Variants in SAXO1 observed in about 807,000 individuals in gnomAD.
SAXO1 encodes the protein 4930500O09Rik.
SAXO1 carries 21 observed loss-of-function variants against 17.5 expected under a neutral mutation model. That is an observed-to-expected ratio of 1.20 (90% confidence interval 0.85 to 1.72). The LOEUF (loss-of-function observed/expected upper bound fraction) is 1.72, where lower values mean the gene tolerates loss of function less well. SAXO1 is among the 40% of genes most tolerant of loss of function. The pLI, the probability that SAXO1 is intolerant of heterozygous loss-of-function variation, is 0.00. For missense variants in SAXO1, 843 were observed against 596.0 expected (o/e 1.41, Z -4.32); for synonymous variants, 274 against 216.5 (o/e 1.27, Z -2.33).
chr9:18,995,618 G>C (rs548579019), intron 1 of SAXO1, among the ~76,000 whole-genome samples: 7 of 152,088 alleles, frequency 4.6e-5, no homozygotes, highest in African/African-American at 1.7e-4. Flanking sequence ...CACTTCCAGG[G>C]ACAAAGTCCC....
intron 1 of SAXO1, among the ~76,000 whole-genome samples, chr9:18,966,946 T>G (rs1037951140): frequency 5.3e-5 from 8 of 152,234 alleles, no homozygotes; most frequent in Admixed American, 4.6e-4. Context: ...ATGCTTTTTG[T>G]TGATATTGAT....
intron 1 of SAXO1, among the ~76,000 whole-genome samples, chr9:18,975,962 C>T (rs61663532): frequency 0.025 from 3,840 of 152,252 alleles, 156 homozygotes; most frequent in African/African-American, 0.085. Flanking sequence ...TACAGCAGTA[C>T]TTTAGCACCT....
At chr9:19,022,264 G>A (rs1835271243) in intron 1 of SAXO1, among the ~76,000 whole-genome samples, 1 of 152,184 alleles carries the variant, frequency 6.6e-6, no homozygotes, top group African/African-American at 2.4e-5. Context: ...AAGAAACTCT[G>A]GACACATCTG....
chr9:18,932,920 T>G (rs78635030), intron 3 of SAXO1, among the ~76,000 whole-genome samples: 2 of 152,080 alleles, frequency 1.3e-5, no homozygotes, highest in Non-Finnish European at 2.9e-5. Flanking sequence ...TGGTAATTTT[T>G]TGGATTCCTT....
At chr9:18,964,278 G>A (rs1235332415) in intron 1 of SAXO1, among the ~76,000 whole-genome samples, 1 of 152,150 alleles carries the variant, frequency 6.6e-6, no homozygotes, top group Admixed American at 6.5e-5. Context: ...GGATGATGCT[G>A]GCCTCATAAA....
intron 1 of SAXO1, among the ~76,000 whole-genome samples, chr9:18,986,919 G>A (rs1446877526): frequency 2.0e-5 from 3 of 152,170 alleles, no homozygotes; most frequent in African/African-American, 7.2e-5. Context: ...AATGTATTGA[G>A]GAAGGGGTGC....
At chr9:19,031,756 G>C (rs1436906272) in intron 1 of SAXO1, among the ~76,000 whole-genome samples, 1 of 152,132 alleles carries the variant, frequency 6.6e-6, no homozygotes, top group East Asian at 1.9e-4. Flanking sequence ...GGCCCACTCT[G>C]AGAGTATCAA....
chr9:18,942,570 A>G (rs1272873250), intron 2 of SAXO1, among the ~76,000 whole-genome samples: 1 of 152,214 alleles, frequency 6.6e-6, no homozygotes, highest in Non-Finnish European at 1.5e-5. Context: ...GAAAACAGTG[A>G]AATAACTGGA....
intron 2 of SAXO1, among the ~76,000 whole-genome samples, chr9:18,945,894 C>T (rs567028344): frequency 6.6e-6 from 1 of 152,292 alleles, no homozygotes; most frequent in African/African-American, 2.4e-5. Context: ...AGATTCAAAG[C>T]TTCCAGCCTG....
chr9:18,928,128 C>G lies in SAXO1; in HGVS notation c.1349G>C (p.Gly450Ala). The stretch of plus-strand genomic sequence containing the variant: ...AGAAAGATGGCTGCTCTGCTGAGAG[C>G]CTGCCTGGGAAACTGGTTTGTATAT... ...HRIYKPVSQAGSQQSSHLSVD... is the reference protein window; with the variant it reads ...HRIYKPVSQAASQQSSHLSVD... The change falls in exon 4 of 4, where the codon GGC becomes GCC. Residue 450 changes from glycine (G) to alanine (A), a missense_variant. By Grantham distance (60) the Gly-to-Ala change is moderately conservative (BLOSUM62 0). Coordinates refer to ENST00000380534, the MANE Select transcript of SAXO1 (RefSeq NM_153707.4). 6.2e-7 allele frequency: 1 copy of G among 1,614,158 alleles called. No individual in the cohort carries two copies. The highest frequency in any genetic ancestry group is 8.5e-7 in the Non-Finnish European group (1 of 1,180,012).
At chr9:19,032,845 C>G (rs767383971) in intron 1 of SAXO1, 26 bp downstream of exon 1, 2 of 1,608,314 alleles carry the variant, frequency 1.2e-6, no homozygotes, top group Admixed American at 1.7e-5. Context: ...GCTCCCCCAG[C>G]CTTGCCCTGG....
intron 3 of SAXO1, among the ~76,000 whole-genome samples, chr9:18,931,460 C>A (rs1292872490): frequency 6.6e-6 from 1 of 152,180 alleles, no homozygotes; most frequent in African/African-American, 2.4e-5. Flanking sequence ...TAAAGAAATT[C>A]TGCTATGAGC....
intron 3 of SAXO1, among the ~76,000 whole-genome samples, chr9:18,933,856 C>A (rs1421468868): frequency 6.6e-6 from 1 of 152,114 alleles, no homozygotes; most frequent in Non-Finnish European, 1.5e-5. Flanking sequence ...ACCATCCTGG[C>A]CAACATGGTG....
chr9:19,000,678 T>C (rs1834230377), intron 1 of SAXO1, among the ~76,000 whole-genome samples: 1 of 152,174 alleles, frequency 6.6e-6, no homozygotes, highest in Non-Finnish European at 1.5e-5. Context: ...GTTTGCATTT[T>C]TGATATTAAA....
At chr9:19,048,630 T>C (rs915287203) in intron 1 of SAXO1, among the ~76,000 whole-genome samples, 5 of 152,216 alleles carry the variant, frequency 3.3e-5, no homozygotes, top group Admixed American at 2.0e-4. Flanking sequence ...GTTAGGCAAA[T>C]AGACCGCAGC....
At chr9:18,990,256 T>A (rs778652971) in intron 1 of SAXO1, among the ~76,000 whole-genome samples, 2 of 149,562 alleles carry the variant, frequency 1.3e-5, no homozygotes, top group Admixed American at 6.7e-5. Context: ...AGCAAGAAAA[T>A]CAAGATATTC....
intron 1 of SAXO1, among the ~76,000 whole-genome samples, chr9:19,003,733 A>G (rs939660192): frequency 6.6e-6 from 1 of 152,230 alleles, no homozygotes; most frequent in African/African-American, 2.4e-5. Flanking sequence ...CACCTTAAAC[A>G]AAAATTGACT....
rs201172736 is a variant in SAXO1 at position 18,928,488 on chromosome 9, T to G, written c.989A>C (p.Lys330Thr). 1.7e-5 allele frequency: 28 copies of G among 1,613,622 alleles called. 1 individual carries two copies. In the Admixed American group the frequency reaches 4.2e-4, roughly 24 times the overall value. The change falls in exon 4 of 4, where the codon AAG (lysine) becomes ACG (threonine). Residue 330 changes from lysine to threonine, a missense_variant. Physicochemically the swap from Lys to Thr is moderately conservative, Grantham distance 78. Coordinates refer to ENST00000380534, the MANE Select transcript of SAXO1 (RefSeq NM_153707.4). ...GGAAGAGCCTTCAAAGCGACCGCAC[T>G]TCTTAATCTGAAGTGCAGGTCGGCA... Reference protein sequence around the residue: ...QSCRPALQIKKCGRFEGSSTT... With the variant: ...QSCRPALQIKTCGRFEGSSTT...
chr9:18,936,938 A>C (rs1257123558), intron 3 of SAXO1, among the ~76,000 whole-genome samples: 4 of 152,224 alleles, frequency 2.6e-5, no homozygotes, highest in Admixed American at 1.3e-4. Flanking sequence ...AAAAGATTTC[A>C]TATTTTTTCT....
Sources: allele counts gnomAD v4.1 joint callset (sites outside exome capture counted in the v4.1 genomes callset), GRCh38; gene constraint gnomAD v4.1.1; transcripts MANE v1.5; gene names NCBI Gene and HGNC (gene_info 2026-07-23, HGNC 2026-07-21).